The following MED9 variants were observed in gnomAD, a reference collection of about 807,000 sequenced individuals.
MED9 encodes the protein mediator complex subunit 9, also known as mediator of RNA polymerase II transcription subunit 9.
MED9 carries 8 observed loss-of-function variants against 13.2 expected under a neutral mutation model. That is an observed-to-expected ratio of 0.61 (90% CI 0.36 to 1.10). The LOEUF (loss-of-function observed/expected upper bound fraction) is 1.10. Among genes scored for constraint, MED9 ranks in the 50% least tolerant of loss-of-function variants. The pLI is 0.02. For synonymous variants in MED9, 87 were observed against 82.8 expected, an observed-to-expected ratio of 1.05 and a Z score of -0.28; for missense variants, 180 against 193.4, an observed-to-expected ratio of 0.93 and a Z score of 0.41.
At chr17:17,477,915 T>TTTTCAA in intron 1 of MED9, among the ~76,000 whole-genome samples, 1 of 152,240 alleles carries the variant, frequency 6.6e-6, no homozygotes, top group South Asian at 2.1e-4. Flanking sequence ...GCCTTCAGGG[T>TTTTCAA]AGCCTGAGTT....
chr17:17,488,974 T>G (rs1004633222), intron 1 of MED9, among the ~76,000 whole-genome samples: 1 of 152,234 alleles, frequency 6.6e-6, no homozygotes, highest in Non-Finnish European at 1.5e-5. Flanking sequence ...ATGACTAACC[T>G]TGAACACAAA....
chr17:17,480,560 A>G (rs1306209538), intron 1 of MED9, among the ~76,000 whole-genome samples: 2 of 152,120 alleles, frequency 1.3e-5, no homozygotes, highest in East Asian at 1.9e-4. Context: ...GCAGGCTGAG[A>G]TGGGAGGATA....
chr17:17,480,103 G>A (rs1905005728), intron 1 of MED9, among the ~76,000 whole-genome samples: 1 of 152,120 alleles, frequency 6.6e-6, no homozygotes, highest in African/African-American at 2.4e-5. Context: ...ATGGTTAAAA[G>A]GTTACTCTCC....
intron 1 of MED9, chr17:17,486,185 G>A (rs1007354766): frequency 9.7e-5 from 15 of 154,662 alleles, no homozygotes; most frequent in South Asian, 4.0e-4. Context: ...AGGTGACAGC[G>A]TGCTGGCAGT....
At position 17,485,345 on chromosome 17, in the gene MED9, A is replaced by G. The variant is rs1400402598; in HGVS notation, c.225-5934A>G. ...AGTGATCTGCTGACTTCAGCCTCCC[A>G]AAGTGCTGGGATTACAGGCGTGAGC... On this transcript the variant is annotated intron_variant, in intron 1 of 1. Coordinates refer to ENST00000268711, the MANE Select transcript of MED9 (RefSeq NM_018019.3). The G allele has an allele frequency of 1.3e-5, 5 of 398,494 alleles. No individual in the cohort carries two copies. The East Asian group carries it at 1.8e-4, about 14-fold the overall frequency. The allele number at this position is 398,494 out of a possible 1,614,324, so 24.7% of individuals were successfully genotyped here.
chr17:17,477,115 C>T lies in MED9; in HGVS notation c.74C>T (p.Pro25Leu), dbSNP rs768020350. Reference sequence around the variant, plus strand: ...CCGCCAACGTCCGACCAGCCGCTGCCTGACACCAAGCCGCTGCCGCCTCCT... The same window carrying T: ...CCGCCAACGTCCGACCAGCCGCTGCTTGACACCAAGCCGCTGCCGCCTCCT... ...VLPPTSDQPL[P>L]DTKPLPPPQP... The change falls in exon 1 of 2, where the codon CCT becomes CTT. Residue 25 changes from proline (P) to leucine (L), a missense_variant. Coordinates refer to ENST00000268711, the MANE Select transcript of MED9 (RefSeq NM_018019.3). 6.2e-7 allele frequency: 1 copy of T among 1,607,244 alleles called. No homozygotes were observed. Among genetic ancestry groups the T allele is most frequent in the South Asian group, 1.1e-5 (1 of 90,568 alleles).
Position 17,477,034 on chromosome 17 carries a change from C to G in MED9, c.-8C>G, listed in dbSNP as rs1468365739. Reference sequence around the variant, plus strand: ...GACCCGACCTCTGGCTAACCTACCCCCGGAGCCATGGCCTCTGCTGGGGTG... The same window carrying G: ...GACCCGACCTCTGGCTAACCTACCCGCGGAGCCATGGCCTCTGCTGGGGTG... On this transcript the variant is annotated 5_prime_UTR_variant, in exon 1 of 2. Coordinates refer to ENST00000268711, the MANE Select transcript of MED9 (RefSeq NM_018019.3). The G allele has an allele frequency of 1.2e-6, 2 of 1,605,076 alleles. No individual in the cohort carries two copies. The highest frequency in any genetic ancestry group is 1.7e-6 in the Non-Finnish European group (2 of 1,179,626).
intron 1 of MED9, chr17:17,477,625 C>T: frequency 4.9e-6 from 1 of 203,224 alleles, no homozygotes. Context: ...TTCCTTAGTT[C>T]AGCAAACTCA....
In MED9 at chr17:17,491,513, TAGAA is replaced by T. The variant is rs754864350; in HGVS notation, c.*22_*25del. The T allele has an allele frequency of 1.1e-5, 18 of 1,592,578 alleles. No individual in the cohort carries two copies. In the Middle Eastern group the frequency reaches 5.0e-4, roughly 44 times the overall value. ...AGGAGTAGAGTGAGGCTGACTTCCT[TAGAA>T]AGAGGGGGAAGCCAATGGCCTGTCT... On this transcript the variant is annotated 3_prime_UTR_variant, in exon 2 of 2. Transcript: ENST00000268711.
At chr17:17,478,572 T>C (rs1462439899) in intron 1 of MED9, among the ~76,000 whole-genome samples, 2 of 152,110 alleles carry the variant, frequency 1.3e-5, no homozygotes, top group Non-Finnish European at 2.9e-5. Context: ...AAATACTGTT[T>C]ATAGGGGCCA....
intron 1 of MED9, chr17:17,485,387 G>A (rs1905110355): frequency 2.5e-6 from 1 of 398,446 alleles, no homozygotes; most frequent in Non-Finnish European, 4.4e-6. Context: ...CCGCCATCTG[G>A]GATTTTTAAG....
At chr17:17,484,454 T>C (rs1052307478) in intron 1 of MED9, among the ~76,000 whole-genome samples, 3 of 152,256 alleles carry the variant, frequency 2.0e-5, no homozygotes, top group South Asian at 2.1e-4. Context: ...CAGGGTGTTA[T>C]TGACTGTCTT....
intron 1 of MED9, chr17:17,487,202 A>G (rs144878044): frequency 0.076 from 11,606 of 152,358 alleles, 895 homozygotes; most frequent in African/African-American, 0.2. Context: ...AAATGCACCA[A>G]TCAGCGCCGT....
At chr17:17,484,991 A>C (rs1029674147) in intron 1 of MED9, 3 of 159,656 alleles carry the variant, frequency 1.9e-5, no homozygotes, top group African/African-American at 7.2e-5. Context: ...GTAGGAGGCC[A>C]TCTGGAATTA....
At chr17:17,484,398 A>C (rs542137242) in intron 1 of MED9, among the ~76,000 whole-genome samples, 1 of 152,370 alleles carries the variant, frequency 6.6e-6, no homozygotes, top group East Asian at 1.9e-4. Flanking sequence ...CCGCTTCAGC[A>C]GGTCAGCAAG....
Position 17,485,214 on chromosome 17 carries a change from G to A in MED9, c.225-6065G>A, listed in dbSNP as rs1905106044. On this transcript the variant is annotated intron_variant, in intron 1 of 1. Transcript: ENST00000268711. ...ACAAAAAAAAATTGTATTTTTAGTA[G>A]AGACAGGGTTTCGTCTCTGTCTACA... The A allele has an allele frequency of 2.3e-5, 9 of 390,336 alleles. No individual in the cohort carries two copies. The East Asian group carries it at 3.3e-4, about 14-fold the overall frequency. The allele number at this position is 390,336 out of a possible 1,614,324, so 24.2% of individuals were successfully genotyped here.
intron 1 of MED9, among the ~76,000 whole-genome samples, chr17:17,482,346 C>T (rs1905045433): frequency 1.3e-5 from 2 of 152,180 alleles, no homozygotes; most frequent in African/African-American, 4.8e-5. Context: ...CTGCCATCAC[C>T]ATTAAACTTT....
chr17:17,483,406 G>A lies in MED9; in HGVS notation c.224+6141G>A, dbSNP rs1289559754. 6.6e-6 allele frequency among the ~76,000 whole-genome samples: 1 copy of A among 152,122 alleles called. No individual in the cohort carries two copies. The highest frequency in any genetic ancestry group is 1.5e-5 in the Non-Finnish European group (1 of 68,042). On this transcript the variant is annotated intron_variant, in intron 1 of 1. Coordinates refer to ENST00000268711, the MANE Select transcript of MED9 (RefSeq NM_018019.3). The surrounding 1 kb of genome is among the most constrained non-coding windows in gnomAD (Gnocchi z 4.2). ...TGCTGCAGGTGCTGTTGGGTGGGCG[G>A]AGTCCTCCAGGCTGGCAGACCCTCC...
chr17:17,491,197 C>T (rs1401569633), intron 1 of MED9, 82 bp from the exon 2 acceptor site: 18 of 1,295,174 alleles, frequency 1.4e-5, no homozygotes, highest in Non-Finnish European at 1.9e-5. Context: ...GCAGGAATGA[C>T]AGCCAGCTCT....
Sources: gnomAD v4.1 joint callset for allele counts (sites outside exome capture counted in the v4.1 genomes callset) on GRCh38, gnomAD v4.1.1 for gene constraint, Gnocchi (gnomAD v3.1) non-coding constraint, MANE v1.5 for transcripts, NCBI Gene and HGNC (gene_info 2026-07-23, HGNC 2026-07-21) for gene names.